Variants in DAAM1 observed in about 807,000 individuals in gnomAD.
DAAM1 encodes disheveled-associated activator of morphogenesis 1.
DAAM1 carries 52 observed loss-of-function variants against 130.0 expected under a neutral mutation model. The ratio of observed to expected loss-of-function variants is 0.40; its 90% CI spans 0.32 to 0.50. DAAM1 has a LOEUF of 0.50. Ranked by LOEUF, DAAM1 falls within the 20% of genes least tolerant of loss-of-function variation. DAAM1 has a pLI of 0.61. For synonymous variants in DAAM1, 452 were observed against 444.5 expected (o/e 1.02, Z -0.21); for missense variants, 1,134 against 1,303.8 (o/e 0.87, Z 2.01).
Position 59,326,490 on chromosome 14 carries a change from A to G in DAAM1, c.1175-20A>G. 1 of 1,557,322 alleles carries G rather than the reference A, an allele frequency of 6.4e-7. No individual in the cohort carries two copies. The highest frequency in any genetic ancestry group is 8.7e-7 in the Non-Finnish European group (1 of 1,153,358). On this transcript the variant is annotated intron_variant, in intron 10 of 24. Coordinates refer to ENST00000360909, the MANE Select transcript of DAAM1 (RefSeq NM_001270520.2). The stretch of plus-strand genomic sequence containing the variant: ...AGAAACAACTTGAAGATTTTTTTTC[A>G]CTATTCTTTTCTTTTTTAGACAAGA...
chr14:59,203,158 A>ATTTTTTTTTTTTTTTT (rs57437992), intron 1 of DAAM1, among the ~76,000 whole-genome samples: 4 of 108,114 alleles, frequency 3.7e-5, no homozygotes, highest in Non-Finnish European at 7.3e-5. Flanking sequence ...CTTCTGGCTA[A>ATTTTTTTTTTTTTTTT]TTTTTTTTTT....
chr14:59,276,748 G>A (rs755509563), intron 2 of DAAM1, among the ~76,000 whole-genome samples: 1 of 152,158 alleles, frequency 6.6e-6, no homozygotes, highest in Non-Finnish European at 1.5e-5. Flanking sequence ...CAGATGGACA[G>A]GTACCTTATC....
At chr14:59,190,894 T>C (rs750336587) in intron 1 of DAAM1, among the ~76,000 whole-genome samples, 5 of 152,218 alleles carry the variant, frequency 3.3e-5, no homozygotes, top group Admixed American at 1.3e-4. Flanking sequence ...ACAAGGCAGC[T>C]ATGTGACTAT....
At chr14:59,345,480 G>A (rs1886037747) in intron 16 of DAAM1, among the ~76,000 whole-genome samples, 2 of 152,168 alleles carry the variant, frequency 1.3e-5, no homozygotes, top group South Asian at 4.1e-4. Flanking sequence ...AGTACAGTAG[G>A]ATTCCCAAAT....
intron 1 of DAAM1, among the ~76,000 whole-genome samples, chr14:59,230,042 T>C (rs1889054389): frequency 6.6e-6 from 1 of 152,220 alleles, no homozygotes; most frequent in Admixed American, 6.5e-5. Flanking sequence ...AGGCCCACTA[T>C]TAACTCTCTT....
chr14:59,270,925 AT>A (rs1882684052), intron 2 of DAAM1, among the ~76,000 whole-genome samples: 1 of 152,176 alleles, frequency 6.6e-6, no homozygotes. Flanking sequence ...TCTGGTTATT[AT>A]TTTTGAAGTG....
chr14:59,364,924 C>G (rs1886856667), intron 23 of DAAM1, among the ~76,000 whole-genome samples: 1 of 152,158 alleles, frequency 6.6e-6, no homozygotes, highest in South Asian at 2.1e-4. Context: ...ACTGTGAAAG[C>G]CCCCATCCAT....
At chr14:59,239,325 C>T (rs984527037) in intron 1 of DAAM1, among the ~76,000 whole-genome samples, 1 of 152,140 alleles carries the variant, frequency 6.6e-6, no homozygotes, top group South Asian at 2.1e-4. Flanking sequence ...TCAAGTTCCA[C>T]CTGTCACACC....
chr14:59,324,524 G>A, intron 8 of DAAM1, 70 bp downstream of exon 8: 2 of 960,846 alleles, frequency 2.1e-6, no homozygotes, highest in Non-Finnish European at 2.9e-6. Flanking sequence ...ACCTCATCAA[G>A]TGCTGGCCTG....
intron 3 of DAAM1, among the ~76,000 whole-genome samples, chr14:59,308,148 T>C (rs567428553): frequency 6.6e-6 from 1 of 152,352 alleles, no homozygotes; most frequent in Admixed American, 6.5e-5. Context: ...GTAGAGTTTG[T>C]ATAGAACTGT....
chr14:59,368,457 T>TTTGTTGTCCATTGCTCCTGCAA (rs1887012014), intron 24 of DAAM1, among the ~76,000 whole-genome samples, 193 bp from the exon 25 acceptor site: 1 of 152,158 alleles, frequency 6.6e-6, no homozygotes. Context: ...GTGGTTGTTT[T>TTTGTTGTCCATTGCTCCTGCAA]TTGTTGTCCA....
At chr14:59,267,893 C>T (rs954137426) in intron 2 of DAAM1, among the ~76,000 whole-genome samples, 2 of 121,306 alleles carry the variant, frequency 1.6e-5, no homozygotes, top group East Asian at 2.5e-4. Context: ...TGTGGATATA[C>T]GCCCCCCCCT....
intron 17 of DAAM1, among the ~76,000 whole-genome samples, chr14:59,350,765 G>A (rs4901918): frequency 1.3e-5 from 2 of 151,916 alleles, no homozygotes; most frequent in African/African-American, 4.8e-5. Flanking sequence ...AGCCACGCAG[G>A]CCTCTCTGGC....
At chr14:59,248,028 T>A (rs1362415676) in intron 1 of DAAM1, among the ~76,000 whole-genome samples, 3 of 152,210 alleles carry the variant, frequency 2.0e-5, no homozygotes, top group Non-Finnish European at 4.4e-5. Flanking sequence ...TTTAACAATA[T>A]TCCTCAGAAT....
At chr14:59,360,511 AT>A in intron 21 of DAAM1, 2 of 231,448 alleles carry the variant, frequency 8.6e-6, no homozygotes, top group Non-Finnish European at 1.7e-5. Context: ...CTGAAGTGAG[AT>A]TTTTTTGAGT....
chr14:59,325,874 A>G, intron 9 of DAAM1, 86 bp from the exon 10 acceptor site: 1 of 1,526,668 alleles, frequency 6.6e-7, no homozygotes, highest in Non-Finnish European at 9.0e-7. Flanking sequence ...TGGCAGGATT[A>G]GCTTCTGTTT....
chr14:59,222,685 C>A (rs1306109645), intron 1 of DAAM1, among the ~76,000 whole-genome samples: 1 of 152,196 alleles, frequency 6.6e-6, no homozygotes, highest in Non-Finnish European at 1.5e-5. Context: ...CACTTGAAAT[C>A]CTCCTCTGCT....
intron 16 of DAAM1, among the ~76,000 whole-genome samples, chr14:59,342,885 A>T (rs1032689810): frequency 2.0e-5 from 3 of 152,194 alleles, no homozygotes; most frequent in African/African-American, 7.2e-5. Flanking sequence ...GTGCAGCAGC[A>T]AAGATGTGGG....
At chr14:59,272,577 AAAACAAAC>A (rs148467327) in intron 2 of DAAM1, among the ~76,000 whole-genome samples, 5 of 149,414 alleles carry the variant, frequency 3.3e-5, no homozygotes, top group African/African-American at 5.0e-5. Flanking sequence ...ACTGTCTCAA[AAAACAAAC>A]AAACAAACAA....
Sources: gnomAD v4.1 joint callset for allele counts (sites outside exome capture counted in the v4.1 genomes callset) on GRCh38, gnomAD v4.1.1 for gene constraint, MANE v1.5 for transcripts, NCBI Gene and HGNC (gene_info 2026-07-23, HGNC 2026-07-21) for gene names.